Variants in MPP7 observed in about 807,000 individuals in gnomAD.
MPP7 encodes MAGUK p55 scaffold protein 7.
Under a neutral mutation model 76.5 loss-of-function variants are expected in MPP7, and 60 were observed. That is an observed-to-expected ratio of 0.78 (90% CI 0.64 to 0.97). The LOEUF (loss-of-function observed/expected upper bound fraction) is 0.97. MPP7 is among the 50% of genes least tolerant of loss of function. The probability of loss-of-function intolerance (pLI) is 0.00; values close to 1 mark genes in which losing one functional copy is unlikely to be tolerated. For synonymous variants in MPP7, 237 were observed against 244.5 expected (o/e 0.97, Z 0.29); for missense variants, 641 against 694.0 (o/e 0.92, Z 0.86).
At chr10:28,325,913 C>T (rs1396497847) in intron 2 of MPP7, among the ~76,000 whole-genome samples, 1 of 148,214 alleles carries the variant, frequency 6.7e-6, no homozygotes, top group Non-Finnish European at 1.5e-5. Flanking sequence ...GAGTTCAAGG[C>T]TGCAGTGAGC....
chr10:28,100,376 G>A (rs1205507287), intron 11 of MPP7, among the ~76,000 whole-genome samples: 1 of 152,010 alleles, frequency 6.6e-6, no homozygotes, highest in Non-Finnish European at 1.5e-5. Context: ...GGATAATTAA[G>A]AACATCTTAC....
rs1275669920 is a variant in MPP7 at position 28,051,224 on chromosome 10, T to G, written c.*2841A>C. ...ATCAAAGATTTTTCATTACATTTAT[T>G]TATAAATCCTTCCTAGTCAAAATAA... On this transcript the variant is annotated 3_prime_UTR_variant, in exon 17 of 17. Transcript: ENST00000683449. 6.6e-6 allele frequency: 1 copy of G among 152,186 alleles called. No individual in the cohort carries two copies. The highest frequency in any genetic ancestry group is 1.5e-5 in the Non-Finnish European group (1 of 68,036). 9.4% of individuals were successfully genotyped at this position (152,186 alleles called of 1,614,324 possible).
intron 3 of MPP7, among the ~76,000 whole-genome samples, chr10:28,178,453 GAAAA>G (rs113212229): frequency 1.3e-5 from 2 of 149,564 alleles, no homozygotes; most frequent in African/African-American, 2.5e-5. Flanking sequence ...GGCAAAACAG[GAAAA>G]AAAAAGTCCC....
chr10:28,156,628 G>A (rs907953973), intron 3 of MPP7, among the ~76,000 whole-genome samples: 13 of 152,134 alleles, frequency 8.5e-5, no homozygotes, highest in South Asian at 2.1e-4. Flanking sequence ...CACCAGATAC[G>A]GACACAGGAA....
intron 3 of MPP7, among the ~76,000 whole-genome samples, chr10:28,151,526 T>C (rs1447271874): frequency 6.6e-6 from 1 of 152,210 alleles, no homozygotes; most frequent in African/African-American, 2.4e-5. Flanking sequence ...CTGCAGTTAC[T>C]TGTTTAAATG....
chr10:28,105,439 T>C (rs1361155938), intron 11 of MPP7, among the ~76,000 whole-genome samples: 1 of 152,162 alleles, frequency 6.6e-6, no homozygotes, highest in East Asian at 1.9e-4. Flanking sequence ...TAATGAGGAA[T>C]GGTGTGGACT....
At chr10:28,183,890 T>C (rs957030459) in intron 3 of MPP7, among the ~76,000 whole-genome samples, 2 of 152,136 alleles carry the variant, frequency 1.3e-5, no homozygotes, top group Non-Finnish European at 2.9e-5. Flanking sequence ...GCGTATAGCA[T>C]GGAACACAGC....
At chr10:28,098,493 GTAATA>G (rs1178441390) in intron 11 of MPP7, among the ~76,000 whole-genome samples, 1 of 151,366 alleles carries the variant, frequency 6.6e-6, no homozygotes, top group African/African-American at 2.4e-5. Context: ...CAAACTTACT[GTAATA>G]TTATATATGT....
chr10:28,100,538 C>T (rs938580682), intron 11 of MPP7, among the ~76,000 whole-genome samples: 8 of 152,092 alleles, frequency 5.3e-5, no homozygotes, highest in African/African-American at 1.9e-4. Flanking sequence ...GAAAAATGAA[C>T]ATTTTCATGG....
Position 28,120,610 on chromosome 10 carries a change from G to C in MPP7, c.674C>G (p.Pro225Arg). Residue 225 changes from proline to arginine, a missense_variant, in exon 9 of 17, where the codon CCA (proline) becomes CGA (arginine). Physicochemically the swap from Pro to Arg is moderately radical, Grantham distance 103. Coordinates refer to ENST00000683449, the MANE Select transcript of MPP7 (RefSeq NM_001318170.2). Reference sequence around the variant, plus strand: ...AATAATTACCTTGCCTTCTTTTGATGGTGTCTCCTCTTTGCTGCCGGGTAT... The same window carrying C: ...AATAATTACCTTGCCTTCTTTTGATCGTGTCTCCTCTTTGCTGCCGGGTAT... ...KIIPGSKEETPSKEGKMFIKA... is the reference protein window; with the variant it reads ...KIIPGSKEETRSKEGKMFIKA... 6.2e-7 allele frequency: 1 copy of C among 1,613,572 alleles called. No individual in the cohort carries two copies. The highest frequency in any genetic ancestry group is 1.1e-5 in the South Asian group (1 of 91,040).
intron 1 of MPP7, among the ~76,000 whole-genome samples, chr10:28,248,008 C>T (rs2132825465): frequency 6.6e-6 from 1 of 152,056 alleles, no homozygotes; most frequent in African/African-American, 2.4e-5. Flanking sequence ...TACAGTGAAA[C>T]AAATGAACAG....
chr10:28,143,239 T>C (rs1272074561), intron 5 of MPP7, among the ~76,000 whole-genome samples: 3 of 152,180 alleles, frequency 2.0e-5, no homozygotes, highest in Non-Finnish European at 2.9e-5. Flanking sequence ...TAGAGGTATA[T>C]GAACATGCAA....
chr10:28,204,990 A>G (rs1173809913), intron 2 of MPP7, among the ~76,000 whole-genome samples: 1 of 152,238 alleles, frequency 6.6e-6, no homozygotes, highest in African/African-American at 2.4e-5. Flanking sequence ...TTTATAAAAA[A>G]TAATTTTTCT....
intron 2 of MPP7, among the ~76,000 whole-genome samples, chr10:28,208,753 T>C (rs1483874712): frequency 1.3e-5 from 2 of 152,172 alleles, no homozygotes; most frequent in African/African-American, 2.4e-5. Flanking sequence ...CAATGAAGTA[T>C]GAATTTGGAG....
intron 12 of MPP7, 134 bp from the exon 13 acceptor site, chr10:28,069,986 G>A (rs1852161346): frequency 1.6e-6 from 1 of 637,120 alleles, no homozygotes; most frequent in South Asian, 2.1e-5. Context: ...ATTATTTTCT[G>A]TTAACTTGAA....
chr10:28,180,174 T>C (rs1837015683), intron 3 of MPP7, among the ~76,000 whole-genome samples: 1 of 152,226 alleles, frequency 6.6e-6, no homozygotes, highest in Admixed American at 6.5e-5. Flanking sequence ...TTGTGAAATG[T>C]AGTAATGAAA....
intron 1 of MPP7, among the ~76,000 whole-genome samples, chr10:28,294,205 G>T (rs1359202076): frequency 6.6e-6 from 1 of 152,208 alleles, no homozygotes; most frequent in Non-Finnish European, 1.5e-5. Context: ...TAAACTGGAG[G>T]CTGAGGCAGG....
intron 1 of MPP7, among the ~76,000 whole-genome samples, chr10:28,257,405 A>G (rs1411128045): frequency 6.6e-6 from 1 of 152,090 alleles, no homozygotes; most frequent in East Asian, 1.9e-4. Context: ...ACCTTCTCAG[A>G]TATCTTCATA....
At chr10:28,135,495 G>A (rs1835326826) in intron 5 of MPP7, among the ~76,000 whole-genome samples, 3 of 152,160 alleles carry the variant, frequency 2.0e-5, no homozygotes, top group Non-Finnish European at 2.9e-5. Context: ...TGAGGCCAGG[G>A]ATGCTCCTAA....
Sources: gnomAD v4.1 joint callset for allele counts (sites outside exome capture counted in the v4.1 genomes callset) on GRCh38, gnomAD v4.1.1 for gene constraint, MANE v1.5 for transcripts, NCBI Gene and HGNC (gene_info 2026-07-23, HGNC 2026-07-21) for gene names.